The following LOC122539214 variants were observed in gnomAD, a reference collection of about 807,000 sequenced individuals.
At chr19:52,653,428 T>C in the LOC122539214 span, 1 of 823,328 alleles carries the variant, frequency 1.2e-6, no homozygotes, top group Admixed American at 1.8e-5. Context: ...AACTCTGTTA[T>C]GGCGTGAAAG....
At chr19:52,671,370 ATGTAT>A in the LOC122539214 span, among the ~76,000 whole-genome samples, 3 of 152,312 alleles carry the variant, frequency 2.0e-5, no homozygotes, top group East Asian at 3.9e-4. Flanking sequence ...TAATTTATAA[ATGTAT>A]TGTAATATTA....
the LOC122539214 span, among the ~76,000 whole-genome samples, chr19:52,679,951 C>T: frequency 0.11 from 16,559 of 152,026 alleles, 1,208 homozygotes; most frequent in Non-Finnish European, 0.15. Flanking sequence ...GAGGCTGAGG[C>T]GGGTGGATCA....
At chr19:52,652,842 G>A in the LOC122539214 span, 5 of 950,132 alleles carry the variant, frequency 5.3e-6, no homozygotes, top group African/African-American at 1.6e-5. Flanking sequence ...GTCTATGATG[G>A]CATACAAAGG....
At chr19:52,666,935 T>C in the LOC122539214 span, among the ~76,000 whole-genome samples, 2 of 152,186 alleles carry the variant, frequency 1.3e-5, no homozygotes, top group Non-Finnish European at 2.9e-5. Context: ...TGCCTAATAA[T>C]TGGACTGCTG....
chr19:52,675,957 C>T, the LOC122539214 span, among the ~76,000 whole-genome samples: 8 of 152,182 alleles, frequency 5.3e-5, no homozygotes, highest in East Asian at 5.8e-4. Flanking sequence ...TTTGGGAGGC[C>T]GATGCAGGCA....
chr19:52,661,962 C>T, the LOC122539214 span, among the ~76,000 whole-genome samples: 1 of 152,128 alleles, frequency 6.6e-6, no homozygotes, highest in Non-Finnish European at 1.5e-5. Flanking sequence ...GAGACAGGAG[C>T]AACCTCAGCC....
the LOC122539214 span, among the ~76,000 whole-genome samples, chr19:52,671,398 G>A: frequency 6.6e-6 from 1 of 151,860 alleles, no homozygotes; most frequent in Non-Finnish European, 1.5e-5. Context: ...TTCACTCTAT[G>A]TGCCTTCTGA....
At chr19:52,670,674 T>C in the LOC122539214 span, among the ~76,000 whole-genome samples, 30 of 152,270 alleles carry the variant, frequency 2.0e-4, no homozygotes, top group African/African-American at 6.5e-4. Context: ...CAGGAGGTCC[T>C]GAGAACATAT....
chr19:52,674,674 G>T, the LOC122539214 span, among the ~76,000 whole-genome samples: 2 of 151,366 alleles, frequency 1.3e-5, no homozygotes, highest in African/African-American at 4.9e-5. Flanking sequence ...ATTTTCTAGA[G>T]AATTTAAACT....
At chr19:52,665,738 A>G in the LOC122539214 span, among the ~76,000 whole-genome samples, 1 of 152,118 alleles carries the variant, frequency 6.6e-6, no homozygotes, top group Admixed American at 6.5e-5. Flanking sequence ...GTGCGGTCTA[A>G]TCCTAGCCGA....
the LOC122539214 span, among the ~76,000 whole-genome samples, chr19:52,660,063 C>G: frequency 3.3e-5 from 5 of 151,884 alleles, no homozygotes; most frequent in East Asian, 3.9e-4. Flanking sequence ...TGGTGGTGTG[C>G]GACTGTAATC....
chr19:52,653,583 A>G, the LOC122539214 span, among the ~76,000 whole-genome samples: 1 of 152,060 alleles, frequency 6.6e-6, no homozygotes, highest in Non-Finnish European at 1.5e-5. Context: ...TCTCTCCAGT[A>G]TGACGTCTAC....
the LOC122539214 span, among the ~76,000 whole-genome samples, chr19:52,683,627 A>G: frequency 0.016 from 2,378 of 152,230 alleles, 69 homozygotes; most frequent in African/African-American, 0.054. Flanking sequence ...CACAGATGAC[A>G]AAAATGGAGA....
the LOC122539214 span, among the ~76,000 whole-genome samples, chr19:52,661,489 C>T: frequency 1.3e-5 from 2 of 152,284 alleles, no homozygotes; most frequent in Non-Finnish European, 2.9e-5. Context: ...GGGGAAACTG[C>T]CTTGATGTTC....
chr19:52,670,973 A>T, the LOC122539214 span, among the ~76,000 whole-genome samples: 2 of 152,128 alleles, frequency 1.3e-5, no homozygotes, highest in African/African-American at 4.8e-5. Flanking sequence ...ATAGATGATG[A>T]ATGTTTTTTA....
chr19:52,685,531 A>G, the LOC122539214 span, among the ~76,000 whole-genome samples: 1 of 152,192 alleles, frequency 6.6e-6, no homozygotes, highest in African/African-American at 2.4e-5. Context: ...GTGAACACAC[A>G]GTAATTGACC....
At chr19:52,676,000 C>G in the LOC122539214 span, among the ~76,000 whole-genome samples, 1 of 152,100 alleles carries the variant, frequency 6.6e-6, no homozygotes, top group African/African-American at 2.4e-5. Context: ...GACAGCCTGA[C>G]CAACATGGTG....
chr19:52,680,049 C>T, the LOC122539214 span, among the ~76,000 whole-genome samples: 1 of 152,066 alleles, frequency 6.6e-6, no homozygotes, highest in Non-Finnish European at 1.5e-5. Context: ...CGTAGTGGCA[C>T]ATGCTGGTAA....
the LOC122539214 span, among the ~76,000 whole-genome samples, chr19:52,677,938 G>C: frequency 6.6e-6 from 1 of 151,960 alleles, no homozygotes; most frequent in Non-Finnish European, 1.5e-5. Context: ...GGGAGGCTGA[G>C]GCAGGAGAAT....
Sources: gnomAD v4.1 joint callset for allele counts (sites outside exome capture counted in the v4.1 genomes callset) on GRCh38, gnomAD v4.1.1 for gene constraint, MANE v1.5 for transcripts.